The following VPS13A variants were observed in gnomAD, a reference collection of about 807,000 sequenced individuals.
The protein encoded by VPS13A is intermembrane lipid transfer protein VPS13A.
A neutral mutation model predicts 390.9 loss-of-function variants in VPS13A; 264 were observed. The observed-to-expected ratio is 0.68, with a 90% CI of 0.61 to 0.75. VPS13A has a LOEUF of 0.75. Among genes scored for constraint, VPS13A ranks in the 30% least tolerant of loss-of-function variants. The pLI is 0.00. For synonymous variants in VPS13A, 1,231 were observed against 1,227.1 expected, an observed-to-expected ratio of 1.00 and a Z score of -0.07; for missense variants, 3,409 against 3,733.9, an observed-to-expected ratio of 0.91 and a Z score of 2.27.
At chr9:77,382,258 A>ATTTT in intron 68 of VPS13A, 171 bp downstream of exon 68, 1 of 1,473,190 alleles carries the variant, frequency 6.8e-7, no homozygotes, top group Non-Finnish European at 9.0e-7. Context: ...TTACTATAAG[A>ATTTT]TTTTTTTTTC....
intron 52 of VPS13A, among the ~76,000 whole-genome samples, chr9:77,348,221 C>A (rs1361820005): frequency 1.3e-5 from 2 of 152,122 alleles, no homozygotes; most frequent in African/African-American, 4.8e-5. Flanking sequence ...ATGGAATCAA[C>A]CCAAATGCCC....
intron 21 of VPS13A, among the ~76,000 whole-genome samples, chr9:77,250,510 G>A (rs957238759): frequency 1.3e-5 from 2 of 152,134 alleles, no homozygotes; most frequent in East Asian, 1.9e-4. Context: ...AGCATCCTAC[G>A]ATGTTCAGGC....
intron 68 of VPS13A, among the ~76,000 whole-genome samples, chr9:77,383,267 T>C (rs918742361): frequency 6.6e-6 from 1 of 152,046 alleles, no homozygotes; most frequent in Non-Finnish European, 1.5e-5. Flanking sequence ...TAAGTGATTT[T>C]ATACTGTATT....
At chr9:77,253,380 AC>A (rs1416329040) in intron 22 of VPS13A, among the ~76,000 whole-genome samples, 1 of 152,114 alleles carries the variant, frequency 6.6e-6, no homozygotes, top group African/African-American at 2.4e-5. Flanking sequence ...ATCTTGGCTC[AC>A]TGCTACCTCC....
intron 23 of VPS13A, among the ~76,000 whole-genome samples, chr9:77,269,977 G>A (rs938019063): frequency 5.9e-5 from 9 of 152,196 alleles, no homozygotes; most frequent in Non-Finnish European, 1.2e-4. Context: ...GCCCATGTGA[G>A]GACACAGAAA....
chr9:77,403,203 A>C (rs750129126), intron 68 of VPS13A, 33 bp from the exon 69 acceptor site: 4 of 1,526,868 alleles, frequency 2.6e-6, no homozygotes, highest in Non-Finnish European at 3.6e-6. Flanking sequence ...AATACTATCA[A>C]TTTTCTCATT....
chr9:77,184,927 T>G (rs1159214424), intron 1 of VPS13A, among the ~76,000 whole-genome samples: 2 of 152,174 alleles, frequency 1.3e-5, no homozygotes, highest in Non-Finnish European at 2.9e-5. Context: ...TCTGTATCCT[T>G]TGTAATATCC....
At chr9:77,216,469 G>A (rs942355112) in intron 10 of VPS13A, among the ~76,000 whole-genome samples, 5 of 152,180 alleles carry the variant, frequency 3.3e-5, no homozygotes, top group African/African-American at 4.8e-5. Flanking sequence ...TGATGTAGGT[G>A]AAAGAGAATG....
rs1564608792 is a variant in VPS13A, at chr9:77,177,824, C to CGCT, written c.100+21_100+23dup. ...GGAAAGGTAAGGAGGCCGCCGCCGCCGCTCCCCGGCCTCTCGTGCTTCCCG... is the reference window on the plus strand; with the variant it reads ...GGAAAGGTAAGGAGGCCGCCGCCGCCGCTGCTCCCCGGCCTCTCGTGCTTCCCG... On this transcript the variant is annotated intron_variant, in intron 1 of 71. Coordinates refer to ENST00000360280, the MANE Select transcript of VPS13A (RefSeq NM_033305.3). 4 of 1,595,288 alleles carry CGCT rather than the reference C, an allele frequency of 2.5e-6. No individual in the cohort carries two copies. The South Asian group carries it at 3.3e-5, about 13-fold the overall frequency.
intron 67 of VPS13A, among the ~76,000 whole-genome samples, chr9:77,373,832 G>A (rs1296259425): frequency 1.3e-5 from 2 of 151,938 alleles, no homozygotes; most frequent in Admixed American, 6.6e-5. Flanking sequence ...CGAAGGACAT[G>A]AACAGACACT....
intron 21 of VPS13A, among the ~76,000 whole-genome samples, 163 bp downstream of exon 21, chr9:77,250,392 G>GC (rs1045825120): frequency 1.3e-5 from 2 of 151,970 alleles, no homozygotes; most frequent in Non-Finnish European, 2.9e-5. Context: ...GAGCAGTCTT[G>GC]CCCCCCCAAG....
At chr9:77,370,150 A>G (rs1314791382) in intron 63 of VPS13A, 107 bp from the exon 64 acceptor site, 1 of 1,224,744 alleles carries the variant, frequency 8.2e-7, no homozygotes, top group Non-Finnish European at 1.2e-6. Context: ...CTCTGGGACA[A>G]CATTATCCAT....
At chr9:77,224,120 G>A (rs1280143175) in intron 13 of VPS13A, among the ~76,000 whole-genome samples, 1 of 152,070 alleles carries the variant, frequency 6.6e-6, no homozygotes, top group Non-Finnish European at 1.5e-5. Context: ...CAGACCTACT[G>A]CTCAGTAAAA....
intron 1 of VPS13A, among the ~76,000 whole-genome samples, chr9:77,186,416 T>C (rs1824337649): frequency 2.0e-5 from 3 of 152,130 alleles, no homozygotes; most frequent in Admixed American, 2.0e-4. Flanking sequence ...TTTCCTTCTT[T>C]CTGAAGAACT....
At chr9:77,363,693 T>C (rs913056010) in intron 59 of VPS13A, among the ~76,000 whole-genome samples, 1 of 152,220 alleles carries the variant, frequency 6.6e-6, no homozygotes, top group African/African-American at 2.4e-5. Flanking sequence ...AACTATTAGG[T>C]CTACAGGTTA....
chr9:77,209,145 T>A (rs1161589071), intron 5 of VPS13A, among the ~76,000 whole-genome samples: 1 of 152,196 alleles, frequency 6.6e-6, no homozygotes, highest in African/African-American at 2.4e-5. Flanking sequence ...TCTTCATTTT[T>A]AAATATATTT....
chr9:77,360,919 C>T (rs935178127), intron 59 of VPS13A, among the ~76,000 whole-genome samples: 2 of 151,928 alleles, frequency 1.3e-5, no homozygotes, highest in Admixed American at 6.6e-5. Flanking sequence ...ATTACTTTGG[C>T]TTTGCTTTCA....
rs1451218808 is a variant in VPS13A at position 77,307,931 on chromosome 9, T to C, written c.3961-14T>C. ...TAGCAGTGCTAAAAAGAACAAATCT[T>C]TTTTTTTTAACAGTTCATTCTTAGT... is the stretch of plus-strand genomic sequence containing the variant. On this transcript the variant is annotated splice_polypyrimidine_tract_variant and intron_variant, in intron 34 of 71. Coordinates refer to ENST00000360280, the MANE Select transcript of VPS13A (RefSeq NM_033305.3). The C allele has an allele frequency of 7.0e-6, 11 of 1,569,032 alleles. No homozygotes were observed. Among genetic ancestry groups the C allele is most frequent in the Non-Finnish European group, 9.6e-6 (11 of 1,142,558 alleles).
chr9:77,177,675 C>G lies in VPS13A; in HGVS notation c.-30C>G, dbSNP rs764687491. ...GCGGCGGGAGGAGGAGCGCACGGGC[C>G]GGCTGCCGTGCCCACCACGGCTGAG... On this transcript the variant is annotated 5_prime_UTR_variant, in exon 1 of 72. Transcript: ENST00000360280. The G allele has an allele frequency of 6.3e-6, 10 of 1,597,196 alleles. No individual in the cohort carries two copies. In the South Asian group the frequency reaches 6.6e-5, roughly 11 times the overall value.
Sources: allele counts gnomAD v4.1 joint callset (sites outside exome capture counted in the v4.1 genomes callset), GRCh38; gene constraint gnomAD v4.1.1; transcripts MANE v1.5; gene names NCBI Gene and HGNC (gene_info 2026-07-23, HGNC 2026-07-21).